HS1BP3: variants seen among roughly 807,000 people sequenced by gnomAD.
The protein encoded by HS1BP3 is HCLS1-binding protein 3.
A neutral mutation model predicts 33.5 loss-of-function variants in HS1BP3; 32 were observed. The observed-to-expected ratio is 0.95, with a 90% CI of 0.72 to 1.28. The LOEUF (loss-of-function observed/expected upper bound fraction) is 1.28. Ranked by LOEUF, HS1BP3 falls within the 50% of genes most tolerant of loss-of-function variation. HS1BP3 has a pLI of 0.00. For missense variants in HS1BP3, 486 were observed against 502.3 expected, an observed-to-expected ratio of 0.97 and a Z score of 0.31; for synonymous variants, 187 against 209.2, an observed-to-expected ratio of 0.89 and a Z score of 0.92.
At chr2:20,620,398 G>A (rs182261041) in intron 6 of HS1BP3, among the ~76,000 whole-genome samples, 68 of 152,312 alleles carry the variant, frequency 4.5e-4, no homozygotes, top group Middle Eastern at 6.8e-3. Context: ...CCAGTGTCAC[G>A]GCGAGGTTTT....
chr2:20,649,738 C>CGTTTGGACT (rs1430258301), intron 1 of HS1BP3, among the ~76,000 whole-genome samples: 1 of 152,192 alleles, frequency 6.6e-6, no homozygotes, highest in Non-Finnish European at 1.5e-5. Context: ...TTTGGACTCA[C>CGTTTGGACT]CCTGCAGGCA....
intron 6 of HS1BP3, 107 bp from the exon 7 acceptor site, chr2:20,619,352 G>A (rs1694523407): frequency 2.0e-6 from 2 of 1,003,902 alleles, no homozygotes; most frequent in South Asian, 3.4e-5. Flanking sequence ...GCGGCAGGGA[G>A]CCCAGCCTCG....
At chr2:20,604,397 C>G (rs1382705237) in intron 2 of HS1BP3, among the ~76,000 whole-genome samples, 2 of 152,208 alleles carry the variant, frequency 1.3e-5, no homozygotes, top group African/African-American at 4.8e-5. Flanking sequence ...ATGGAGTTCT[C>G]TGTCGTGAGA....
chr2:20,622,512 C>T, intron 6 of HS1BP3: 1 of 359,114 alleles, frequency 2.8e-6, no homozygotes, highest in South Asian at 2.1e-5. Context: ...CTGGCCCGCG[C>T]ACTACGAGCC....
At chr2:20,624,710 C>A (rs201263661) in intron 5 of HS1BP3, 22 bp downstream of exon 5, 2 of 1,563,416 alleles carry the variant, frequency 1.3e-6, no homozygotes, top group Non-Finnish European at 1.7e-6. Context: ...ACACCAGGAG[C>A]AGACCATGGG....
intron 1 of HS1BP3, among the ~76,000 whole-genome samples, chr2:20,649,819 C>T (rs767985140): frequency 1.2e-4 from 19 of 152,200 alleles, no homozygotes; most frequent in Admixed American, 2.6e-4. Context: ...ACCGCCAGCG[C>T]CCCCACATCT....
intron 5 of HS1BP3, among the ~76,000 whole-genome samples, chr2:20,562,016 C>A (rs1375371668): frequency 6.6e-6 from 1 of 152,092 alleles, no homozygotes; most frequent in African/African-American, 2.4e-5. Flanking sequence ...CCATAAAAAC[C>A]CCAAAGGACT....
intron 2 of HS1BP3, among the ~76,000 whole-genome samples, chr2:20,600,744 C>A (rs569008658): frequency 1.2e-4 from 18 of 152,230 alleles, no homozygotes; most frequent in African/African-American, 3.6e-4. Flanking sequence ...GAAGAAAAAT[C>A]TTTTAAAATG....
At chr2:20,646,080 A>G (rs1462557053) in intron 1 of HS1BP3, among the ~76,000 whole-genome samples, 1 of 152,202 alleles carries the variant, frequency 6.6e-6, no homozygotes, top group South Asian at 2.1e-4. Flanking sequence ...GAGAGGATGC[A>G]TCGGCAAAAC....
rs546205121 is a variant in HS1BP3, at chr2:20,643,941, AG to A, written c.198+1398del. On this transcript the variant is annotated intron_variant, in intron 2 of 6. Coordinates refer to ENST00000304031, the MANE Select transcript of HS1BP3 (RefSeq NM_022460.4). ...GAGGGAGATCCTATCTCTTAAAAAA[AG>A]GAAACATTTGTGCTGTAAATTTCTC... Among the ~76,000 whole-genome samples, 114 of 152,316 alleles carry A rather than the reference AG, an allele frequency of 7.5e-4. 1 individual carries two copies. Among genetic ancestry groups the A allele is most frequent in the Admixed American group, 5.9e-3 (91 of 15,296 alleles).
chr2:20,566,905 C>T (rs1323202894), intron 5 of HS1BP3, among the ~76,000 whole-genome samples: 1 of 152,078 alleles, frequency 6.6e-6, no homozygotes, highest in Admixed American at 6.6e-5. Flanking sequence ...CCAAGGCTGG[C>T]CCCCCACAGG....
chr2:20,612,412 C>G (rs1694335641), intron 2 of HS1BP3, among the ~76,000 whole-genome samples: 1 of 152,204 alleles, frequency 6.6e-6, no homozygotes, highest in South Asian at 2.1e-4. Flanking sequence ...ACCATCACAA[C>G]AAGCCAACTT....
intron 4 of HS1BP3, chr2:20,637,032 C>G (rs1237779390): frequency 8.9e-6 from 1 of 112,840 alleles, no homozygotes; most frequent in South Asian, 3.2e-4. Flanking sequence ...GGGGCTGCCC[C>G]CGCCCCCCCC....
At chr2:20,604,433 C>T (rs1242853669) in intron 2 of HS1BP3, among the ~76,000 whole-genome samples, 1 of 152,214 alleles carries the variant, frequency 6.6e-6, no homozygotes, top group Non-Finnish European at 1.5e-5. Flanking sequence ...ATCAGGCCTC[C>T]TCGTGTTAGA....
Position 20,611,596 on chromosome 2 carries a change from C to T in HS1BP3, c.178+12300G>A, listed in dbSNP as rs917230703. 2.0e-5 allele frequency among the ~76,000 whole-genome samples: 3 copies of T among 152,172 alleles called. No individual in the cohort carries two copies. The highest frequency in any genetic ancestry group is 7.2e-5 in the African/African-American group (3 of 41,440). On this transcript the variant is annotated intron_variant, in intron 2 of 3. Transcript: ENST00000415264. This position sits in a 1 kb window ranked among gnomAD's most constrained non-coding sequence, Gnocchi z 4.9. ...CTGCCGCAGTCCTGTTGACATTATT[C>T]CTTGTCAGAATGGCTCATTTCCAGT...
At chr2:20,557,607 C>T (rs1329842810), downstream of HS1BP3, among the ~76,000 whole-genome samples, 2 of 152,204 alleles carry the variant, frequency 1.3e-5, no homozygotes, top group Non-Finnish European at 2.9e-5. Flanking sequence ...TATCTACTAT[C>T]AGGAGTGGAA....
At chr2:20,560,005 A>G (rs534862850), downstream of HS1BP3, among the ~76,000 whole-genome samples, 177 of 152,256 alleles carry the variant, frequency 1.2e-3, 1 homozygote, top group Admixed American at 1.9e-3. Context: ...ATACCAGGTG[A>G]CCTGTTTCTA....
chr2:20,627,821 G>T lies in HS1BP3; in HGVS notation c.624-2929C>A, dbSNP rs375306724. Among the ~76,000 whole-genome samples the T allele has an allele frequency of 9.2e-5, 14 of 152,228 alleles. 1 individual carries two copies. Among genetic ancestry groups the T allele is most frequent in the African/African-American group, 3.4e-4 (14 of 41,520 alleles). ...AAAGCCCCAGGGTCCTATCCTGAGC[G>T]GCCCAAAACTTTCAGCCTCTGGGGG... On this transcript the variant is annotated intron_variant, in intron 4 of 6. Transcript: ENST00000304031.
Position 20,624,786 on chromosome 2 carries a change from G to A in HS1BP3, c.730C>T (p.Pro244Ser), listed in dbSNP as rs774173250. Residue 244 changes from proline (P) to serine (S), a missense_variant, in exon 5 of 7, where the codon CCG (proline) becomes TCG (serine). By Grantham distance (74) the Pro-to-Ser change is moderately conservative (BLOSUM62 -1). Coordinates refer to ENST00000304031, the MANE Select transcript of HS1BP3 (RefSeq NM_022460.4). Reference sequence around the variant, plus strand: ...TCCTGTGGAGACAGCTTCCTGCCCGGGCCAAAGAGCCCCTCATCAGGGTCC... The same window carrying A: ...TCCTGTGGAGACAGCTTCCTGCCCGAGCCAAAGAGCCCCTCATCAGGGTCC... The part of the protein sequence containing the change: ...EVDPDEGLFG[P>S]GRKLSPQDPS... 3 of 1,613,146 alleles carry A rather than the reference G, an allele frequency of 1.9e-6. No homozygotes were observed. The highest frequency in any genetic ancestry group is 2.5e-6 in the Non-Finnish European group (3 of 1,179,540).
Sources: gnomAD v4.1 joint callset for allele counts (sites outside exome capture counted in the v4.1 genomes callset) on GRCh38, gnomAD v4.1.1 for gene constraint, Gnocchi (gnomAD v3.1) non-coding constraint, MANE v1.5 for transcripts, NCBI Gene and HGNC (gene_info 2026-07-23, HGNC 2026-07-21) for gene names.